SYNE1: variants seen among roughly 807,000 people sequenced by gnomAD.
The protein encoded by SYNE1 is nesprin-1.
SYNE1 carries 616 observed loss-of-function variants against 1,111.0 expected under a neutral mutation model. The observed-to-expected ratio is 0.55, with a 90% CI of 0.52 to 0.59. The LOEUF (loss-of-function observed/expected upper bound fraction) is 0.59. Ranked by LOEUF, SYNE1 falls within the 20% of genes least tolerant of loss-of-function variation. The pLI, the probability that SYNE1 is intolerant of heterozygous loss-of-function variation, is 0.00. For missense variants in SYNE1, 10,006 were observed against 10,417.0 expected, an observed-to-expected ratio of 0.96 and a Z score of 1.72; for synonymous variants, 3,855 against 3,825.8, an observed-to-expected ratio of 1.01 and a Z score of -0.28.
intron 145 of SYNE1, chr6:152,129,682 C>T (rs934278590): frequency 2.6e-5 from 4 of 151,720 alleles, no homozygotes; most frequent in Admixed American, 1.3e-4. Context: ...TGACTTCAGC[C>T]GAGTGGGAAG....
chr6:152,633,911 T>C (rs1028285429), intron 2 of SYNE1, among the ~76,000 whole-genome samples: 23 of 139,570 alleles, frequency 1.6e-4, no homozygotes, highest in African/African-American at 5.4e-5. Context: ...ATGCTCCCAG[T>C]TGAAAGGCAT....
intron 25 of SYNE1, 97 bp from the exon 26 acceptor site, chr6:152,451,302 T>C (rs2098647219): frequency 7.7e-7 from 1 of 1,291,814 alleles, no homozygotes; most frequent in South Asian, 1.2e-5. Context: ...AACCATAACA[T>C]ATTCCTTTTA....
At chr6:152,589,930 C>CTT (rs35508645) in intron 3 of SYNE1, among the ~76,000 whole-genome samples, 28 of 134,000 alleles carry the variant, frequency 2.1e-4, no homozygotes, top group African/African-American at 4.7e-4. Context: ...CTAAACATTT[C>CTT]TTTTTTTTTT....
chr6:152,587,964 C>T (rs540540275), intron 3 of SYNE1, among the ~76,000 whole-genome samples: 83 of 152,182 alleles, frequency 5.5e-4, no homozygotes, highest in Admixed American at 1.5e-3. Context: ...ATCAAAGAAC[C>T]AACTCTTACA....
At chr6:152,601,226 A>G (rs1300116752) in intron 3 of SYNE1, among the ~76,000 whole-genome samples, 5 of 152,238 alleles carry the variant, frequency 3.3e-5, no homozygotes, top group African/African-American at 4.8e-5. Context: ...ATGCCTAAAA[A>G]TAGGAAGCAA....
Position 152,430,462 on chromosome 6 carries a change from A to G in SYNE1, c.4689+20T>C, listed in dbSNP as rs2098418793. 2 of 1,594,924 alleles carry G rather than the reference A, an allele frequency of 1.3e-6. No individual in the cohort carries two copies. Among genetic ancestry groups the G allele is most frequent in the African/African-American group, 1.3e-5 (1 of 74,524 alleles). ...CAATGTGAAATATGTAAACTTAAGT[A>G]TAGGTGGATCAATTCTTACCTTTCT... On this transcript the variant is annotated intron_variant, in intron 35 of 145. Transcript: ENST00000367255.
chr6:152,206,690 T>A (rs1280426237), intron 125 of SYNE1, among the ~76,000 whole-genome samples: 1 of 152,010 alleles, frequency 6.6e-6, no homozygotes, highest in Non-Finnish European at 1.5e-5. Context: ...GCTGAATGTG[T>A]CTTGCGAGAC....
At chr6:152,224,245 T>C (rs1254000843) in intron 117 of SYNE1, among the ~76,000 whole-genome samples, 1 of 152,174 alleles carries the variant, frequency 6.6e-6, no homozygotes, top group Non-Finnish European at 1.5e-5. Context: ...TAAAAGACGA[T>C]GTGAATATTT....
intron 128 of SYNE1, among the ~76,000 whole-genome samples, chr6:152,182,097 T>C (rs1218074615): frequency 1.3e-5 from 2 of 152,234 alleles, no homozygotes; most frequent in Non-Finnish European, 2.9e-5. Flanking sequence ...TTTAATTAGA[T>C]TGCCTTTTTA....
chr6:152,469,534 C>T (rs1332296345), intron 16 of SYNE1, among the ~76,000 whole-genome samples: 1 of 152,058 alleles, frequency 6.6e-6, no homozygotes, highest in Non-Finnish European at 1.5e-5. Context: ...TTTCACAGTA[C>T]ACTTACAGGT....
intron 92 of SYNE1, 80 bp downstream of exon 92, chr6:152,301,786 AATC>A (rs2095180085): frequency 1.4e-6 from 2 of 1,430,276 alleles, no homozygotes; most frequent in African/African-American, 1.4e-5. Context: ...TGGTCCCTGA[AATC>A]AGCCACGGAG....
intron 3 of SYNE1, among the ~76,000 whole-genome samples, chr6:152,581,605 C>T (rs959880245): frequency 7.9e-5 from 12 of 152,188 alleles, no homozygotes; most frequent in African/African-American, 2.9e-4. Flanking sequence ...GTCACCTTTG[C>T]TTTCATTCCT....
rs913649045 is a variant in SYNE1, at chr6:152,173,462, G to T, written c.23627+2932C>A. On this transcript the variant is annotated intron_variant, in intron 130 of 145. Coordinates refer to ENST00000367255, the MANE Select transcript of SYNE1 (RefSeq NM_182961.4). ...TTATATTTTGCTTTAGTGCATCAGC[G>T]CTGGAAGAGGCAAGAGTGGTGAATG... Among the ~76,000 whole-genome samples, 27 of 152,218 alleles carry T rather than the reference G, an allele frequency of 1.8e-4. 1 individual carries two copies. Among genetic ancestry groups the T allele is most frequent in the Admixed American group, 1.8e-3 (27 of 15,280 alleles).
chr6:152,597,436 A>G (rs1477227331), intron 3 of SYNE1, among the ~76,000 whole-genome samples: 2 of 152,082 alleles, frequency 1.3e-5, no homozygotes, highest in Admixed American at 6.6e-5. Flanking sequence ...GTGCACCACC[A>G]TGTCTGATTA....
At chr6:152,607,732 A>G (rs892162305) in intron 3 of SYNE1, among the ~76,000 whole-genome samples, 3 of 152,218 alleles carry the variant, frequency 2.0e-5, no homozygotes, top group Non-Finnish European at 4.4e-5. Flanking sequence ...ATACATGCAC[A>G]CATATATTTA....
Position 152,461,605 on chromosome 6 carries a change from G to C in SYNE1, c.2386C>G (p.Leu796Val), listed in dbSNP as rs1055043180. Residue 796 changes from leucine to valine, a missense_variant, in exon 21 of 146, where the codon CTA (leucine) becomes GTA (valine). By Grantham distance (32) the Leu-to-Val change is conservative. Coordinates refer to ENST00000367255, the MANE Select transcript of SYNE1 (RefSeq NM_182961.4). ...TTAAATTATTTTCGCACCTTGGTTA[G>C]CTGCTCTTTGAGCTTTGACATGGTC... ...FATMSKLKEQ[L>V]TKVKECYSPL... 7 of 1,613,788 alleles carry C rather than the reference G, an allele frequency of 4.3e-6. No homozygotes were observed. The highest frequency in any genetic ancestry group is 5.9e-6 in the Non-Finnish European group (7 of 1,179,908).
At chr6:152,168,484 G>A in intron 130 of SYNE1, 1 of 383,448 alleles carries the variant, frequency 2.6e-6, no homozygotes, top group East Asian at 4.5e-5. Context: ...GGAGGAGGAA[G>A]CTACAGGTCT....
intron 24 of SYNE1, among the ~76,000 whole-genome samples, chr6:152,454,915 T>G (rs187697893): frequency 1.3e-5 from 2 of 152,198 alleles, no homozygotes; most frequent in African/African-American, 4.8e-5. Context: ...ACATTATGAC[T>G]AATATTCCCA....
chr6:152,141,208 G>A lies in SYNE1; in HGVS notation c.25241C>T (p.Thr8414Met), dbSNP rs759512753. Residue 8414 changes from threonine to methionine, a missense_variant, in exon 139 of 146, where the codon ACG (threonine) becomes ATG (methionine). Physicochemically the swap from Thr to Met is moderately conservative, Grantham distance 81 (BLOSUM62 -1). Coordinates refer to ENST00000367255, the MANE Select transcript of SYNE1 (RefSeq NM_182961.4). The part of the protein sequence containing the change: ...FVNLHSTETQ[T>M]AGVIDRWELL... The stretch of plus-strand genomic sequence containing the variant: ...ACTGGATGCTACGCACTCACCAGCC[G>A]TTTGGGTTTCGGTACTATGCAGGTT... The A allele has an allele frequency of 4.2e-5, 67 of 1,614,004 alleles. No individual in the cohort carries two copies. The East Asian group carries it at 6.0e-4, about 14-fold the overall frequency.
Sources: gnomAD v4.1 joint callset for allele counts (sites outside exome capture counted in the v4.1 genomes callset) on GRCh38, gnomAD v4.1.1 for gene constraint, MANE v1.5 for transcripts, NCBI Gene and HGNC (gene_info 2026-07-23, HGNC 2026-07-21) for gene names.